The following SLC44A5 variants were observed in gnomAD, a reference collection of about 807,000 sequenced individuals.
The protein encoded by SLC44A5 is choline transporter-like protein 5.
In SLC44A5, 57 loss-of-function variants were observed where a neutral mutation model predicts 101.8. That is an observed-to-expected ratio of 0.56 (90% CI 0.45 to 0.70). The LOEUF (loss-of-function observed/expected upper bound fraction) is 0.70. SLC44A5 is among the 30% of genes least tolerant of loss of function. SLC44A5 has a pLI of 0.00. For synonymous variants in SLC44A5, 281 were observed against 290.9 expected, an observed-to-expected ratio of 0.97 and a Z score of 0.35; for missense variants, 737 against 853.1, an observed-to-expected ratio of 0.86 and a Z score of 1.70.
At chr1:75,481,296 A>T (rs1667829389) in intron 2 of SLC44A5, among the ~76,000 whole-genome samples, 1 of 152,240 alleles carries the variant, frequency 6.6e-6, no homozygotes, top group South Asian at 2.1e-4. Context: ...AAAACCATAA[A>T]ACCCCTAGAA....
intron 5 of SLC44A5, among the ~76,000 whole-genome samples, chr1:75,288,395 T>C (rs941099518): frequency 2.6e-5 from 4 of 152,212 alleles, no homozygotes; most frequent in African/African-American, 9.7e-5. Context: ...AAAATTCCAG[T>C]CTAGAATATG....
chr1:75,691,698 G>GA, the SLC44A5 span, among the ~76,000 whole-genome samples: 1 of 152,208 alleles, frequency 6.6e-6, no homozygotes, highest in Non-Finnish European at 1.5e-5. Context: ...GGGAGGCTAA[G>GA]AAATACAAGA....
chr1:75,576,597 C>G (rs1341153736), intron 1 of SLC44A5, among the ~76,000 whole-genome samples: 2 of 152,054 alleles, frequency 1.3e-5, no homozygotes, highest in Non-Finnish European at 2.9e-5. Context: ...GGATTACAGG[C>G]GTTGAGCCAC....
At chr1:75,677,303 A>G in the SLC44A5 span, among the ~76,000 whole-genome samples, 4 of 152,184 alleles carry the variant, frequency 2.6e-5, no homozygotes, top group South Asian at 2.1e-4. Flanking sequence ...CAAGACATAG[A>G]TAGTATAATA....
At position 75,219,876 on chromosome 1, in the gene SLC44A5, G is replaced by C; in HGVS notation, c.1102C>G (p.Pro368Ala). Residue 368 changes from proline to alanine, a missense_variant, in exon 15 of 24, where the codon CCT becomes GCT. By Grantham distance (27) the Pro-to-Ala change is conservative. This residue lies in a region of SLC44A5 where 665 missense variants were observed against 764.4 expected (regional missense o/e 0.87). Coordinates refer to ENST00000370859, the MANE Select transcript of SLC44A5 (RefSeq NM_001130058.2). Reference sequence around the variant, plus strand: ...AAAGCTGGATAGACTAATGTACTAGGAACATATCCAATGGCTCTGAAATAA... The same window carrying C: ...AAAGCTGGATAGACTAATGTACTAGCAACATATCCAATGGCTCTGAAATAA... ...KEGSKAIGYVPSTLVYPALTF... is the reference protein window; with the variant it reads ...KEGSKAIGYVASTLVYPALTF... 6.2e-6 allele frequency: 10 copies of C among 1,607,288 alleles called. No homozygotes were observed. The highest frequency in any genetic ancestry group is 8.5e-6 in the Non-Finnish European group (10 of 1,175,402).
intron 2 of SLC44A5, among the ~76,000 whole-genome samples, chr1:75,439,757 T>C (rs537055401): frequency 6.6e-6 from 1 of 152,026 alleles, no homozygotes; most frequent in South Asian, 2.1e-4. Context: ...AAAGAGAAAA[T>C]GGAGAAAAGG....
At chr1:75,440,649 T>C (rs942538893) in intron 2 of SLC44A5, among the ~76,000 whole-genome samples, 1 of 151,898 alleles carries the variant, frequency 6.6e-6, no homozygotes, top group Non-Finnish European at 1.5e-5. Flanking sequence ...GATTATAAGA[T>C]GGAAAGAGAA....
intron 3 of SLC44A5, among the ~76,000 whole-genome samples, chr1:75,395,958 G>C (rs1314931029): frequency 6.6e-6 from 1 of 152,068 alleles, no homozygotes; most frequent in East Asian, 1.9e-4. Context: ...ATTGCACAAA[G>C]GAAGAGAAAT....
the SLC44A5 span, among the ~76,000 whole-genome samples, chr1:75,639,163 T>C: frequency 1.3e-5 from 2 of 152,114 alleles, no homozygotes; most frequent in Non-Finnish European, 2.9e-5. Flanking sequence ...AATAACAATA[T>C]ACTGTATTCT....
the SLC44A5 span, among the ~76,000 whole-genome samples, chr1:75,694,339 T>C: frequency 6.6e-6 from 1 of 151,958 alleles, no homozygotes. Context: ...TCTATTCTGA[T>C]TGCTTCAATT....
At chr1:75,428,036 C>G (rs137981171) in intron 2 of SLC44A5, among the ~76,000 whole-genome samples, 1 of 152,174 alleles carries the variant, frequency 6.6e-6, no homozygotes, top group Non-Finnish European at 1.5e-5. Context: ...TCACTTCCCT[C>G]GAGTACGGCA....
At chr1:75,328,753 A>T (rs1196463626) in intron 4 of SLC44A5, among the ~76,000 whole-genome samples, 3 of 152,178 alleles carry the variant, frequency 2.0e-5, no homozygotes, top group African/African-American at 4.8e-5. Flanking sequence ...ACAATCCCAC[A>T]TGATCTATTC....
At chr1:75,521,855 G>A (rs1412667490) in intron 2 of SLC44A5, 2 of 153,520 alleles carry the variant, frequency 1.3e-5, no homozygotes, top group Admixed American at 6.5e-5. Context: ...GCTTAATCTG[G>A]AAGAACTAGA....
At chr1:75,216,930 C>A (rs1351158526) in intron 18 of SLC44A5, among the ~76,000 whole-genome samples, 1 of 151,904 alleles carries the variant, frequency 6.6e-6, no homozygotes, top group African/African-American at 2.4e-5. Context: ...TGGTAGTGTT[C>A]TTTGTTGAAT....
At chr1:75,722,051 T>C in the SLC44A5 span, among the ~76,000 whole-genome samples, 1 of 152,210 alleles carries the variant, frequency 6.6e-6, no homozygotes, top group Non-Finnish European at 1.5e-5. Flanking sequence ...GTAGGAGACA[T>C]ATAGCTAAAG....
chr1:75,522,376 A>C (rs925439500), intron 2 of SLC44A5: 41 of 151,294 alleles, frequency 2.7e-4, no homozygotes, highest in African/African-American at 9.2e-4. Context: ...AAAAAGAATA[A>C]GTTAAGAATA....
At chr1:75,489,077 A>G (rs553722885) in intron 2 of SLC44A5, among the ~76,000 whole-genome samples, 9 of 151,976 alleles carry the variant, frequency 5.9e-5, no homozygotes, top group African/African-American at 1.9e-4. Flanking sequence ...CAAACTCCCA[A>G]CCTCAGGTGA....
chr1:75,510,465 A>G (rs1035375025), intron 2 of SLC44A5, among the ~76,000 whole-genome samples: 2 of 152,222 alleles, frequency 1.3e-5, no homozygotes, highest in Non-Finnish European at 2.9e-5. Context: ...AAAAATTGAA[A>G]AAGACAAAAG....
chr1:75,303,025 C>T (rs1223434550), intron 4 of SLC44A5, among the ~76,000 whole-genome samples: 2 of 152,080 alleles, frequency 1.3e-5, no homozygotes, highest in African/African-American at 4.8e-5. Flanking sequence ...ATAACTGAAA[C>T]CTCAGAAAGC....
Sources: allele counts gnomAD v4.1 joint callset (sites outside exome capture counted in the v4.1 genomes callset), GRCh38; gene constraint gnomAD v4.1.1; regional missense constraint gnomAD v4.1.1; transcripts MANE v1.5; gene names NCBI Gene and HGNC (gene_info 2026-07-23, HGNC 2026-07-21).